Variants in COL16A1 observed in about 807,000 individuals in gnomAD.
The protein encoded by COL16A1 is collagen alpha-1(XVI) chain.
In COL16A1, 189 loss-of-function variants were observed where a neutral mutation model predicts 266.3. The ratio of observed to expected loss-of-function variants is 0.71; its 90% CI spans 0.63 to 0.80. The LOEUF is 0.80. Among genes scored for constraint, COL16A1 ranks in the 30% least tolerant of loss-of-function variants. The probability of loss-of-function intolerance (pLI) is 0.00; values close to 1 mark genes in which losing one functional copy is unlikely to be tolerated. For synonymous variants in COL16A1, 740 were observed against 782.3 expected (o/e 0.95, Z 0.90); for missense variants, 1,928 against 2,122.4 (o/e 0.91, Z 1.80).
Position 31,664,893 on chromosome 1 carries a change from T to C in COL16A1, c.3555+279A>G, listed in dbSNP as rs1188182008. Among the ~76,000 whole-genome samples, 1 of 151,572 alleles carries C rather than the reference T, an allele frequency of 6.6e-6. No homozygotes were observed. Among genetic ancestry groups the C allele is most frequent in the Non-Finnish European group, 1.5e-5 (1 of 67,866 alleles). On this transcript the variant is annotated intron_variant, in intron 56 of 70. Coordinates refer to ENST00000373672, the MANE Select transcript of COL16A1 (RefSeq NM_001856.4). The surrounding 1 kb of genome is among the most constrained non-coding windows in gnomAD (Gnocchi z 5.5). ...ACCCCCTGCCTCCTCCCCACCTACC[T>C]CCCTGCCTTTCCCCCCATCACAGCA...
intron 37 of COL16A1, among the ~76,000 whole-genome samples, chr1:31,681,578 G>A (rs945781121): frequency 1.3e-5 from 2 of 152,208 alleles, no homozygotes; most frequent in East Asian, 1.9e-4. Context: ...CTAGGGTCAC[G>A]CCCCTAGCGA....
chr1:31,698,482 C>T lies in COL16A1; in HGVS notation c.390+1G>A, dbSNP rs1308493845. The stretch of plus-strand genomic sequence containing the variant: ...GCAATCAGGGCACAGGGGAGGTTCA[C>T]CTGTGGATACCCATTTGCATCGGTC... On this transcript the variant is annotated splice_donor_variant, in intron 5 of 70. Transcript: ENST00000373672. LOFTEE classifies it high-confidence loss of function. The surrounding 1 kb of genome is among the most constrained non-coding windows in gnomAD (Gnocchi z 4.1). 3.1e-6 allele frequency: 5 copies of T among 1,613,976 alleles called. No homozygotes were observed. The Admixed American group carries it at 8.3e-5, about 27-fold the overall frequency.
At chr1:31,695,319 C>A in intron 10 of COL16A1, 98 bp from the exon 11 acceptor site, 1 of 1,153,190 alleles carries the variant, frequency 8.7e-7, no homozygotes, top group Non-Finnish European at 1.3e-6. Context: ...TCACACATAT[C>A]TTGAGTGGAA....
Position 31,654,118 on chromosome 1 carries a change from A to G in COL16A1, c.4358-75T>C, listed in dbSNP as rs1377175295. On this transcript the variant is annotated intron_variant, in intron 68 of 70. Coordinates refer to ENST00000373672, the MANE Select transcript of COL16A1 (RefSeq NM_001856.4). ...CTCAGAATGACTGCAGATGCTGCAT[A>G]TAGGCCACCAGCATGAAGTCCACAG... The G allele has an allele frequency of 9.8e-6, 15 of 1,537,010 alleles. No individual in the cohort carries two copies. The Admixed American group carries it at 2.6e-4, about 26-fold the overall frequency.
chr1:31,665,323 G>T, intron 55 of COL16A1, 89 bp from the exon 56 acceptor site: 1 of 1,530,512 alleles, frequency 6.5e-7, no homozygotes, highest in Non-Finnish European at 8.8e-7. Context: ...ATGCACTGTT[G>T]TTAATGCAAT....
In COL16A1 at chr1:31,689,842, AG is replaced by A; in HGVS notation, c.1518del (p.Cys507ValfsTer57). ...KPGVKGEKGDPCEVCPTLPEG... is the reference protein window; with the variant it reads ...KPGVKGEKGDXCEVCPTLPEG... ...TCAGGCAGTGTTGGGCACACTTCAC[AG>A]GGGTCACCCTAGCAGAAGGGAGAGG... On this transcript the variant is annotated frameshift_variant, in exon 23 of 71. Coordinates refer to ENST00000373672, the MANE Select transcript of COL16A1 (RefSeq NM_001856.4). LOFTEE classifies it high-confidence loss of function. The A allele has an allele frequency of 6.2e-7, 1 of 1,613,946 alleles. No individual in the cohort carries two copies. Among genetic ancestry groups the A allele is most frequent in the Non-Finnish European group, 8.5e-7 (1 of 1,179,906 alleles).
At chr1:31,662,736 C>G (rs1204744185) in intron 56 of COL16A1, 78 bp from the exon 57 acceptor site, 1 of 1,447,510 alleles carries the variant, frequency 6.9e-7, no homozygotes, top group African/African-American at 1.4e-5. Context: ...GAGACCAGGC[C>G]CTGGGTCAAG....
intron 56 of COL16A1, 111 bp downstream of exon 56, chr1:31,665,061 C>T: frequency 1.3e-6 from 2 of 1,493,330 alleles, no homozygotes; most frequent in Non-Finnish European, 1.8e-6. Flanking sequence ...AGCCTCAGTG[C>T]AACTGGGTCA....
At position 31,686,138 on chromosome 1, in the gene COL16A1, G is replaced by A; in HGVS notation, c.1840-3C>T. The A allele has an allele frequency of 8.1e-6, 13 of 1,614,110 alleles. No individual in the cohort carries two copies. The highest frequency in any genetic ancestry group is 1.1e-5 in the Non-Finnish European group (13 of 1,180,028). On this transcript the variant is annotated splice_polypyrimidine_tract_variant and splice_region_variant and intron_variant, in intron 27 of 70. Coordinates refer to ENST00000373672, the MANE Select transcript of COL16A1 (RefSeq NM_001856.4). ...GGCCCCACTGGTCCTGGTGGCCCCT[G>A]CATGTTAAGACGCTACAGGTAATGC...
At position 31,666,031 on chromosome 1, in the gene COL16A1, A is replaced by G; in HGVS notation, c.3402+6T>C. The G allele has an allele frequency of 6.2e-7, 1 of 1,613,856 alleles. No homozygotes were observed. The highest frequency in any genetic ancestry group is 1.7e-4 in the Middle Eastern group (1 of 6,058). Reference sequence around the variant, plus strand: ...ACCACATCTCCCCATGCCCTCCTTCACTCACCGCTGGGCCTGGGGGGCCTG... The same window carrying G: ...ACCACATCTCCCCATGCCCTCCTTCGCTCACCGCTGGGCCTGGGGGGCCTG... On this transcript the variant is annotated splice_donor_region_variant and intron_variant, in intron 53 of 70. Coordinates refer to ENST00000373672, the MANE Select transcript of COL16A1 (RefSeq NM_001856.4).
chr1:31,690,574 C>T lies in COL16A1; in HGVS notation c.1438-1G>A. 4 of 1,613,646 alleles carry T rather than the reference C, an allele frequency of 2.5e-6. No individual in the cohort carries two copies. Among genetic ancestry groups the T allele is most frequent in the Non-Finnish European group, 3.4e-6 (4 of 1,179,822 alleles). On this transcript the variant is annotated splice_acceptor_variant, in intron 20 of 70. Transcript: ENST00000373672. LOFTEE classifies it high-confidence loss of function. ...CCTTTCCTGGGATCCCCGAGCTGCC[C>T]TGTGGTCAGAAGAAAGGATAAGCGG...
chr1:31,696,030 A>G, intron 9 of COL16A1, 58 bp downstream of exon 9: 2 of 1,470,580 alleles, frequency 1.4e-6, no homozygotes, highest in East Asian at 4.5e-5. Flanking sequence ...TGGGGTTTAC[A>G]GGGGCACAGA....
intron 54 of COL16A1, 67 bp from the exon 55 acceptor site, chr1:31,665,685 A>G (rs1642070848): frequency 1.3e-6 from 2 of 1,598,250 alleles, no homozygotes; most frequent in Non-Finnish European, 8.5e-7. Context: ...GCCCAGGTGG[A>G]AAGAGTGACG....
At position 31,696,111 on chromosome 1, in the gene COL16A1, G is replaced by A. The variant is rs1454062406; in HGVS notation, c.895C>T (p.Gln299Ter). The change falls in exon 9 of 71, where the codon CAG becomes TAG. Residue 299 changes from glutamine (Q) to a stop codon, truncating the protein, a stop_gained. Coordinates refer to ENST00000373672, the MANE Select transcript of COL16A1 (RefSeq NM_001856.4). LOFTEE classifies it high-confidence loss of function. ...ACCTTTGCTCCCCTTTCTGCCTTCTGGCTGATTCTTCCCGTCAGCTGGGCA... is the reference window on the plus strand; with the variant it reads ...ACCTTTGCTCCCCTTTCTGCCTTCTAGCTGATTCTTCCCGTCAGCTGGGCA... ...VDAQLTGRISQKAERGAKVHQ... is the reference protein window; with the variant it reads ...VDAQLTGRIS 1.1e-5 allele frequency: 18 copies of A among 1,603,106 alleles called. No individual in the cohort carries two copies. Among genetic ancestry groups the A allele is most frequent in the Non-Finnish European group, 1.5e-5 (18 of 1,177,736 alleles).
chr1:31,692,967 C>T (rs768452451), intron 13 of COL16A1, 125 bp downstream of exon 13: 3 of 946,668 alleles, frequency 3.2e-6, no homozygotes, highest in Non-Finnish European at 3.3e-6. Flanking sequence ...GCCCTCACCC[C>T]CCTCCCGTGA....
Position 31,665,884 on chromosome 1 carries a change from G to C in COL16A1, c.3454C>G (p.Gln1152Glu), listed in dbSNP as rs898287722. 25 of 1,614,084 alleles carry C rather than the reference G, an allele frequency of 1.5e-5. No individual in the cohort carries two copies. The highest frequency in any genetic ancestry group is 1.9e-5 in the Non-Finnish European group (23 of 1,179,994). Residue 1152 changes from glutamine (Q) to glutamate (E), a missense_variant and splice_region_variant, in exon 54 of 71, where the codon CAG becomes GAG. By Grantham distance (29) the Gln-to-Glu change is conservative. Coordinates refer to ENST00000373672, the MANE Select transcript of COL16A1 (RefSeq NM_001856.4). Reference protein sequence around the residue: ...PQGNSGEKGDQGFQGQPGFPG... With the variant: ...PQGNSGEKGDEGFQGQPGFPG... ...GCCAGGTCCCAGTCGTCACTCACCT[G>C]GTCGCCCTTCTCACCGGAGTTACCT...
rs770169748 is a variant in COL16A1 at position 31,697,313 on chromosome 1, C to T, written c.658-13G>A. 1.3e-6 allele frequency: 2 copies of T among 1,598,460 alleles called. No individual in the cohort carries two copies. Among genetic ancestry groups the T allele is most frequent in the Admixed American group, 1.7e-5 (1 of 58,538 alleles). ...GCTGAAGGTCAAACTGCAGGAGACACACACATCAATTTCACTTCATTTTAT... is the reference window on the plus strand; with the variant it reads ...GCTGAAGGTCAAACTGCAGGAGACATACACATCAATTTCACTTCATTTTAT... On this transcript the variant is annotated splice_polypyrimidine_tract_variant and intron_variant, in intron 6 of 70. Transcript: ENST00000373672. This position sits in a 1 kb window ranked among gnomAD's most constrained non-coding sequence, Gnocchi z 4.2.
At position 31,661,190 on chromosome 1, in the gene COL16A1, A is replaced by G. The variant is rs542292288; in HGVS notation, c.3772-71T>C. ...CATCCCTACCCCAAGTCAACCTCAC[A>G]TCAGAGGGACCCTGCCACCTGCCCC... On this transcript the variant is annotated intron_variant, in intron 60 of 70. Coordinates refer to ENST00000373672, the MANE Select transcript of COL16A1 (RefSeq NM_001856.4). The G allele has an allele frequency of 1.1e-5, 17 of 1,524,586 alleles. No individual in the cohort carries two copies. In the East Asian group the frequency reaches 3.9e-4, roughly 35 times the overall value. 94.4% of individuals were successfully genotyped at this position (1,524,586 alleles called of 1,614,324 possible). A position where few individuals can be genotyped will look rare whatever the true frequency, so the allele number is the denominator to read the frequency against.
chr1:31,689,272 G>T, intron 23 of COL16A1, 187 bp from the exon 24 acceptor site: 1 of 953,634 alleles, frequency 1.0e-6, no homozygotes, highest in Non-Finnish European at 1.5e-6. Flanking sequence ...GGAGCGTGGC[G>T]GGGGGAATGA....
Sources: allele counts gnomAD v4.1 joint callset (sites outside exome capture counted in the v4.1 genomes callset), GRCh38; gene constraint gnomAD v4.1.1; non-coding constraint Gnocchi (gnomAD v3.1); transcripts MANE v1.5; gene names NCBI Gene and HGNC (gene_info 2026-07-23, HGNC 2026-07-21).